CYP4F12: variants seen among roughly 807,000 people sequenced by gnomAD.
The protein encoded by CYP4F12 is cytochrome P450 4F12.
Under a neutral mutation model 56.5 loss-of-function variants are expected in CYP4F12, and 60 were observed. The ratio of observed to expected loss-of-function variants is 1.06; its 90% CI spans 0.86 to 1.32. The LOEUF is 1.32. Ranked by LOEUF, CYP4F12 falls within the 40% of genes most tolerant of loss-of-function variation. CYP4F12 has a pLI of 0.00. For missense variants in CYP4F12, 711 were observed against 683.5 expected, an observed-to-expected ratio of 1.04 and a Z score of -0.45; for synonymous variants, 263 against 264.9, an observed-to-expected ratio of 0.99 and a Z score of 0.07.
intron 7 of CYP4F12, 173 bp downstream of exon 7, chr19:15,683,936 C>T: frequency 1.4e-6 from 1 of 694,412 alleles, no homozygotes; most frequent in Non-Finnish European, 2.2e-6. Context: ...GCCCACAGGG[C>T]ACTGCTAATT....
chr19:15,684,633 T>G, intron 7 of CYP4F12, 183 bp from the exon 8 acceptor site: 1 of 557,904 alleles, frequency 1.8e-6, no homozygotes, highest in Non-Finnish European at 3.1e-6. Context: ...GCCCTTGGAG[T>G]TGGGGCTTTG....
chr19:15,680,345 G>A (rs1378026814), intron 4 of CYP4F12, 47 bp from the exon 5 acceptor site: 5 of 1,613,564 alleles, frequency 3.1e-6, no homozygotes, highest in Non-Finnish European at 4.2e-6. Flanking sequence ...TGCGGGGAGG[G>A]TAGGGGAAGT....
chr19:15,678,518 A>C (rs2007110581), intron 3 of CYP4F12, 113 bp downstream of exon 3: 8 of 1,349,168 alleles, frequency 5.9e-6, no homozygotes, highest in South Asian at 1.3e-5. Flanking sequence ...TTCCTTCTCA[A>C]TGTCTTCTCC....
At position 15,685,146 on chromosome 19, in the gene CYP4F12, G is replaced by A. The variant is rs577314511; in HGVS notation, c.1064G>A (p.Arg355Gln). Residue 355 changes from arginine to glutamine, a missense_variant, in exon 9 of 13, where the codon CGA (arginine) becomes CAA (glutamine). By Grantham distance (43) the Arg-to-Gln change is conservative. Transcript: ENST00000550308. ...ARHPEYQERCRQEVQELLKDR... is the reference protein window; with the variant it reads ...ARHPEYQERCQQEVQELLKDR... ...CACCCAGAATACCAGGAGCGCTGCCGACAGGAGGTGCAAGAGCTTCTGAAG... is the reference window on the plus strand; with the variant it reads ...CACCCAGAATACCAGGAGCGCTGCCAACAGGAGGTGCAAGAGCTTCTGAAG... 1.8e-5 allele frequency: 29 copies of A among 1,614,160 alleles called. No individual in the cohort carries two copies. The African/African-American group carries it at 2.3e-4, about 13-fold the overall frequency.
chr19:15,684,498 C>T (rs1318066708), intron 7 of CYP4F12: 1 of 310,552 alleles, frequency 3.2e-6, no homozygotes, highest in East Asian at 5.7e-5. Context: ...ATTCAAATAT[C>T]CTGTACCCCA....
At position 15,683,681 on chromosome 19, in the gene CYP4F12, C is replaced by A. The variant is rs567584411; in HGVS notation, c.836C>A (p.Pro279His). 1 of 1,612,872 alleles carries A rather than the reference C, an allele frequency of 6.2e-7. No homozygotes were observed. Among genetic ancestry groups the A allele is most frequent in the Admixed American group, 1.7e-5 (1 of 59,636 alleles). ...ATCCGGGAGCGGCGTCGCACCCTCC[C>A]CACTCAGGGTATTGATGATTTTTTC... Reference protein sequence around the residue: ...AVIRERRRTLPTQGIDDFFKD... With the variant: ...AVIRERRRTLHTQGIDDFFKD... Residue 279 changes from proline to histidine, a missense_variant, in exon 7 of 13, where the codon CCC (proline) becomes CAC (histidine). Physicochemically the swap from Pro to His is moderately conservative, Grantham distance 77 (BLOSUM62 -2). Coordinates refer to ENST00000550308, the MANE Select transcript of CYP4F12 (RefSeq NM_023944.4).
At position 15,683,660 on chromosome 19, in the gene CYP4F12, G is replaced by A. The variant is rs150943202; in HGVS notation, c.815G>A (p.Arg272Gln). The A allele has an allele frequency of 3.0e-3, 4,775 of 1,612,660 alleles. 2 individuals carry two copies. The African/African-American group carries it at 0.056, about 19-fold the overall frequency. The change falls in exon 7 of 13, where the codon CGG (arginine) becomes CAG (glutamine). Residue 272 changes from arginine to glutamine, a missense_variant. By Grantham distance (43) the Arg-to-Gln change is conservative. Transcript: ENST00000550308. Reference sequence around the variant, plus strand: ...CATGACTTCACAGACGCTGTCATCCGGGAGCGGCGTCGCACCCTCCCCACT... The same window carrying A: ...CATGACTTCACAGACGCTGTCATCCAGGAGCGGCGTCGCACCCTCCCCACT... ...LVHDFTDAVIRERRRTLPTQG... is the reference protein window; with the variant it reads ...LVHDFTDAVIQERRRTLPTQG...
intron 3 of CYP4F12, among the ~76,000 whole-genome samples, chr19:15,679,235 G>A (rs11085968): frequency 0.91 from 137,820 of 152,268 alleles, 62,327 homozygotes; most frequent in East Asian, 1. Context: ...ACTCAACTTC[G>A]TGTGCTCTAA....
At chr19:15,693,780 T>A (rs960659813) in intron 9 of CYP4F12, among the ~76,000 whole-genome samples, 7 of 149,706 alleles carry the variant, frequency 4.7e-5, no homozygotes, top group African/African-American at 1.2e-4. Flanking sequence ...ATGTCTTGAA[T>A]GGTAATGCCT....
At chr19:15,692,154 A>G (rs796597093) in intron 9 of CYP4F12, among the ~76,000 whole-genome samples, 30 of 152,148 alleles carry the variant, frequency 2.0e-4, no homozygotes, top group African/African-American at 6.7e-4. Flanking sequence ...ATGAGGTTTC[A>G]CCACATTGGT....
chr19:15,696,957 G>C lies in CYP4F12; in HGVS notation c.1447G>C (p.Ala483Pro). The change falls in exon 13 of 13, where the codon GCG (alanine) becomes CCG (proline). Residue 483 changes from alanine to proline, a missense_variant. Transcript: ENST00000550308. ...FAMAEMKVVL[A>P]LMLLHFRFLP... ...CATGGCGGAGATGAAAGTGGTCCTG[G>C]CGTTGATGCTGCTGCACTTCCGGTT... The C allele has an allele frequency of 1.2e-6, 2 of 1,614,206 alleles. No individual in the cohort carries two copies. The highest frequency in any genetic ancestry group is 1.7e-6 in the Non-Finnish European group (2 of 1,180,016).
rs756182056 is a variant in CYP4F12, at chr19:15,680,596, G to A, written c.525+77G>A. The stretch of plus-strand genomic sequence containing the variant: ...ATGGACACATCTGGTCTGGAATTTT[G>A]GCTCTTCTGGGTGGCACTGGGCCAT... On this transcript the variant is annotated intron_variant, in intron 5 of 12. Coordinates refer to ENST00000550308, the MANE Select transcript of CYP4F12 (RefSeq NM_023944.4). 7.5e-6 allele frequency: 12 copies of A among 1,600,250 alleles called. No individual in the cohort carries two copies. The African/African-American group carries it at 1.3e-4, about 18-fold the overall frequency.
chr19:15,679,574 AGG>A (rs1190421483), intron 3 of CYP4F12, among the ~76,000 whole-genome samples: 1 of 152,172 alleles, frequency 6.6e-6, no homozygotes, highest in African/African-American at 2.4e-5. Context: ...GCTGTGGTCG[AGG>A]ACACTTGGGG....
At position 15,682,533 on chromosome 19, in the gene CYP4F12, G is replaced by T. The variant is rs546780547; in HGVS notation, c.647+23G>T. On this transcript the variant is annotated intron_variant, in intron 6 of 12. Coordinates refer to ENST00000550308, the MANE Select transcript of CYP4F12 (RefSeq NM_023944.4). ...GGAGTGAGTTCCTTCCTAGGGCCTG[G>T]GATATGAATCCATGGACCAAAGGGA... is the stretch of plus-strand genomic sequence containing the variant. The T allele has an allele frequency of 1.9e-6, 3 of 1,611,608 alleles. No homozygotes were observed. The South Asian group carries it at 3.3e-5, about 18-fold the overall frequency.
chr19:15,696,217 G>T lies in CYP4F12; in HGVS notation c.1306G>T (p.Asp436Tyr). ...CCATCACAACCCAACTGTGTGGCCG[G>T]ATCCTGAGGTGCTGCCTTCCCCATT... ...GVHHNPTVWP[D>Y]PEVYDPFRFD... Residue 436 changes from aspartate (D) to tyrosine (Y), a missense_variant, in exon 11 of 13, where the codon GAT (aspartate) becomes TAT (tyrosine). Physicochemically the swap from Asp to Tyr is radical, Grantham distance 160. Transcript: ENST00000550308. 6.2e-7 allele frequency: 1 copy of T among 1,614,082 alleles called. No homozygotes were observed. The highest frequency in any genetic ancestry group is 1.1e-5 in the South Asian group (1 of 91,072).
Position 15,696,423 on chromosome 19 carries a change from C to G in CYP4F12, c.1315-7C>G. The stretch of plus-strand genomic sequence containing the variant: ...CCACTGGCAAACCTTCTTTGTCTCA[C>G]CTGCAGGTCTACGACCCCTTCCGCT... On this transcript the variant is annotated splice_polypyrimidine_tract_variant and splice_region_variant and intron_variant, in intron 11 of 12. Transcript: ENST00000550308. 6.2e-7 allele frequency: 1 copy of G among 1,614,154 alleles called. No individual in the cohort carries two copies. Among genetic ancestry groups the G allele is most frequent in the Non-Finnish European group, 8.5e-7 (1 of 1,180,018 alleles).
intron 9 of CYP4F12, among the ~76,000 whole-genome samples, chr19:15,691,350 G>A (rs971493999): frequency 3.9e-5 from 6 of 152,198 alleles, no homozygotes; most frequent in African/African-American, 1.4e-4. Flanking sequence ...ATCACTGCAG[G>A]ACAAATTCCC....
intron 2 of CYP4F12, 37 bp downstream of exon 2, chr19:15,673,764 G>A (rs1599935366): frequency 1.2e-6 from 2 of 1,608,412 alleles, no homozygotes; most frequent in Non-Finnish European, 1.7e-6. Context: ...GGGTCTCAGG[G>A]TGGATGGACT....
chr19:15,696,103 G>A (rs2008122656), intron 10 of CYP4F12, 34 bp downstream of exon 10: 2 of 1,610,688 alleles, frequency 1.2e-6, no homozygotes. Context: ...AGCCTCCCGG[G>A]TAGGAAGATG....
Sources: gnomAD v4.1 joint callset for allele counts (sites outside exome capture counted in the v4.1 genomes callset) on GRCh38, gnomAD v4.1.1 for gene constraint, MANE v1.5 for transcripts, NCBI Gene and HGNC (gene_info 2026-07-23, HGNC 2026-07-21) for gene names.